XCR1: variants seen among roughly 807,000 people sequenced by gnomAD.
XCR1 encodes X-C motif chemokine receptor 1.
For missense variants in XCR1, 356 were observed against 424.2 expected (o/e 0.84, Z 1.41); for synonymous variants, 187 against 188.5 (o/e 0.99, Z 0.06).
chr3:46,054,723 T>A (rs577970147), intron 4 of XCR1, among the ~76,000 whole-genome samples: 14 of 152,244 alleles, frequency 9.2e-5, no homozygotes, highest in African/African-American at 3.4e-4. Context: ...TCCATCTCCC[T>A]GACCAACTAA....
chr3:46,061,673 C>T (rs529024201), intron 4 of XCR1, among the ~76,000 whole-genome samples: 2 of 152,236 alleles, frequency 1.3e-5, no homozygotes, highest in Middle Eastern at 3.4e-3. Flanking sequence ...AGCCATATCT[C>T]AGTGAAGCTG....
chr3:46,063,224 A>G (rs758231117), intron 4 of XCR1, among the ~76,000 whole-genome samples: 1 of 152,200 alleles, frequency 6.6e-6, no homozygotes, highest in Non-Finnish European at 1.5e-5. Context: ...GGCAGGATAT[A>G]GGGAATGCAA....
intron 1 of XCR1, among the ~76,000 whole-genome samples, chr3:46,078,546 A>G (rs1698302208): frequency 6.6e-6 from 1 of 152,088 alleles, no homozygotes. Context: ...GGGTAGGGGG[A>G]ACAGCGTTTT....
At chr3:46,029,035 A>G (rs1708353481), upstream of XCR1, among the ~76,000 whole-genome samples, 2 of 152,224 alleles carry the variant, frequency 1.3e-5, no homozygotes, top group Admixed American at 1.3e-4. Context: ...GTTATATTCC[A>G]TTGGTCTTTG....
chr3:46,021,665 A>T lies in XCR1; in HGVS notation c.283T>A (p.Trp95Arg). 3 of 1,613,422 alleles carry T rather than the reference A, an allele frequency of 1.9e-6. No homozygotes were observed. The highest frequency in any genetic ancestry group is 2.5e-6 in the Non-Finnish European group (3 of 1,179,766). ...TTGCAGAGGAAGTCTCCCAGCACCC[A>T]GCCCCAGTGGTATGGGGAGATCCAC... The part of the protein sequence containing the change: ...PVWISPYHWG[W>R]VLGDFLCKLL... The change falls in exon 2 of 2, where the codon TGG (tryptophan) becomes AGG (arginine). Residue 95 changes from tryptophan to arginine, a missense_variant. By Grantham distance (101) the Trp-to-Arg change is moderately radical (BLOSUM62 -3). Transcript: ENST00000309285. The surrounding 1 kb of genome is among the most constrained non-coding windows in gnomAD (Gnocchi z 4.7).
Position 46,033,827 on chromosome 3 carries a change from G to A in XCR1, c.-31-11849C>T, listed in dbSNP as rs142959941. On this transcript the variant is annotated intron_variant, in intron 5 of 5. Coordinates refer to the XCR1 transcript ENST00000683768. ...TATTGCTCCATTCATTTAGGTCTTC[G>A]TTGATTTCTTTTATAGAGTTTTATA... 5.3e-4 allele frequency among the ~76,000 whole-genome samples: 80 copies of A among 152,192 alleles called. No homozygotes were observed. In the East Asian group the frequency reaches 8.5e-3, roughly 16 times the overall value.
At position 46,072,802 on chromosome 3, in the gene XCR1, T is replaced by C. The variant is rs574210381; in HGVS notation, c.-263+1849A>G. Among the ~76,000 whole-genome samples, 142 of 152,274 alleles carry C rather than the reference T, an allele frequency of 9.3e-4. 1 individual carries two copies. Among genetic ancestry groups the C allele is most frequent in the Admixed American group, 1.8e-3 (27 of 15,294 alleles). On this transcript the variant is annotated intron_variant, in intron 3 of 5. Coordinates refer to the XCR1 transcript ENST00000683768. ...ATTTGTATGCAACCAAAAAAGAGCC[T>C]GAATAGCTAAAGTATTCCTAAGCAA...
In XCR1 at chr3:46,061,327, C is replaced by G. The variant is rs545318711; in HGVS notation, c.-183+5572G>C. Among the ~76,000 whole-genome samples the G allele has an allele frequency of 3.3e-5, 5 of 152,314 alleles. No homozygotes were observed. The South Asian group carries it at 1.0e-3, about 32-fold the overall frequency. ...ACTGAATGCTCAGCAGAGGCTGCAGCCAGGTCAGCCTTGGTGAGTGTAAGT... is the reference window on the plus strand; with the variant it reads ...ACTGAATGCTCAGCAGAGGCTGCAGGCAGGTCAGCCTTGGTGAGTGTAAGT... On this transcript the variant is annotated intron_variant, in intron 4 of 5. Coordinates refer to the XCR1 transcript ENST00000683768.
chr3:46,030,263 C>T (rs1412271232), upstream of XCR1, among the ~76,000 whole-genome samples: 1 of 152,134 alleles, frequency 6.6e-6, no homozygotes, highest in Non-Finnish European at 1.5e-5. Flanking sequence ...AGAAAAGCTT[C>T]TAGTCTTTCA....
chr3:46,072,956 A>T (rs138382286), intron 3 of XCR1, among the ~76,000 whole-genome samples: 4 of 152,316 alleles, frequency 2.6e-5, no homozygotes, highest in Non-Finnish European at 4.4e-5. Flanking sequence ...GAGAACCCAG[A>T]AATAAAACCA....
chr3:46,018,916 T>G lies in XCR1; in HGVS notation c.*2030A>C, dbSNP rs887602033. On this transcript the variant is annotated 3_prime_UTR_variant, in exon 2 of 2. Coordinates refer to ENST00000309285, the MANE Select transcript of XCR1 (RefSeq NM_001024644.2). ...TAAAAAAGTTGCAGCCAAATGTACC[T>G]AATGAAGGTGCATGTCAGAATCGCA... 1.3e-5 allele frequency: 2 copies of G among 152,344 alleles called. No individual in the cohort carries two copies. Among genetic ancestry groups the G allele is most frequent in the East Asian group, 3.9e-4 (2 of 5,188 alleles). The allele number at this position is 152,344 out of a possible 1,614,324, so 9.4% of individuals were successfully genotyped here.
At chr3:46,037,056 T>C (rs1559483876) in intron 5 of XCR1, among the ~76,000 whole-genome samples, 1 of 152,164 alleles carries the variant, frequency 6.6e-6, no homozygotes, top group Non-Finnish European at 1.5e-5. Context: ...TCGGGAAATA[T>C]ATTTCTAAAA....
At chr3:46,032,370 T>C (rs1046023355), upstream of XCR1, among the ~76,000 whole-genome samples, 2 of 152,218 alleles carry the variant, frequency 1.3e-5, no homozygotes, top group African/African-American at 4.8e-5. Context: ...CAGCCATAGC[T>C]TCACAGAGAG....
At chr3:46,082,480 T>G (rs1221634452) in intron 1 of XCR1, among the ~76,000 whole-genome samples, 2 of 148,140 alleles carry the variant, frequency 1.4e-5, no homozygotes, top group Non-Finnish European at 3.0e-5. Flanking sequence ...AGGCTCCTTT[T>G]TTTTTTTTTT....
rs1166230317 is a variant in XCR1, at chr3:46,019,896, A to G, written c.*1050T>C. Reference sequence around the variant, plus strand: ...TTCAGGGATGAAACCATGGGCATGCAATGGCAAGAATGAGTCAACTCTGAA... The same window carrying G: ...TTCAGGGATGAAACCATGGGCATGCGATGGCAAGAATGAGTCAACTCTGAA... On this transcript the variant is annotated 3_prime_UTR_variant, in exon 2 of 2. Transcript: ENST00000309285. 1 of 152,256 alleles carries G rather than the reference A, an allele frequency of 6.6e-6. No individual in the cohort carries two copies. Among genetic ancestry groups the G allele is most frequent in the Non-Finnish European group, 1.5e-5 (1 of 68,066 alleles). 9.4% of individuals were successfully genotyped at this position (152,256 alleles called of 1,614,324 possible).
intron 1 of XCR1, among the ~76,000 whole-genome samples, chr3:46,081,195 A>G (rs1057321750): frequency 1.3e-5 from 2 of 152,204 alleles, no homozygotes; most frequent in African/African-American, 4.8e-5. Context: ...CTATATTCCA[A>G]TTGTGCTTTT....
intron 1 of XCR1, chr3:46,023,836 C>T (rs1463104660): frequency 4.6e-6 from 7 of 1,523,028 alleles, no homozygotes; most frequent in Non-Finnish European, 5.5e-6. Flanking sequence ...TTTGAAGAGA[C>T]GTGTGGAATT....
intron 4 of XCR1, among the ~76,000 whole-genome samples, chr3:46,066,432 A>G (rs1698076961): frequency 1.3e-5 from 2 of 152,110 alleles, no homozygotes; most frequent in African/African-American, 4.8e-5. Flanking sequence ...TTTAGTAGAG[A>G]CGGGGTTTCA....
intron 3 of XCR1, among the ~76,000 whole-genome samples, chr3:46,068,644 G>A (rs894752772): frequency 1.3e-5 from 2 of 152,114 alleles, no homozygotes; most frequent in African/African-American, 4.8e-5. Flanking sequence ...AAGATGCCGA[G>A]CCAACCTGAT....
Sources: allele counts gnomAD v4.1 joint callset (sites outside exome capture counted in the v4.1 genomes callset), GRCh38; gene constraint gnomAD v4.1.1; non-coding constraint Gnocchi (gnomAD v3.1); transcripts MANE v1.5; gene names NCBI Gene and HGNC (gene_info 2026-07-23, HGNC 2026-07-21).